SPRED1: variants seen among roughly 807,000 people sequenced by gnomAD.
The protein encoded by SPRED1 is sprouty-related, EVH1 domain-containing protein 1.
Under a neutral mutation model 52.3 loss-of-function variants are expected in SPRED1, and 18 were observed. That is an observed-to-expected ratio of 0.34 (90% CI 0.24 to 0.51). The LOEUF is 0.51. Among genes scored for constraint, SPRED1 ranks in the 20% least tolerant of loss-of-function variants. SPRED1 has a pLI of 0.97. For synonymous variants in SPRED1, 155 were observed against 179.7 expected (o/e 0.86, Z 1.10); for missense variants, 485 against 551.0 (o/e 0.88, Z 1.20).
At chr15:38,281,984 T>C (rs1894700830) in intron 1 of SPRED1, among the ~76,000 whole-genome samples, 1 of 152,050 alleles carries the variant, frequency 6.6e-6, no homozygotes, top group South Asian at 2.1e-4. Flanking sequence ...AGAAGGTATG[T>C]TTTTGTGGTT....
At chr15:38,306,466 T>A (rs1239141859) in intron 2 of SPRED1, among the ~76,000 whole-genome samples, 1 of 152,142 alleles carries the variant, frequency 6.6e-6, no homozygotes, top group African/African-American at 2.4e-5. Context: ...TGTGAAGAAT[T>A]GGAATTGAGA....
chr15:38,330,942 G>T (rs1015729038), intron 4 of SPRED1, among the ~76,000 whole-genome samples: 2 of 152,072 alleles, frequency 1.3e-5, no homozygotes, highest in African/African-American at 4.8e-5. Context: ...GGGGTGCAAA[G>T]GGAGGAGAGA....
intron 2 of SPRED1, among the ~76,000 whole-genome samples, chr15:38,309,489 C>T (rs1258887071): frequency 6.6e-6 from 1 of 152,184 alleles, no homozygotes; most frequent in Non-Finnish European, 1.5e-5. Context: ...ATTCTAGCTA[C>T]TAAGTCCTCT....
intron 2 of SPRED1, among the ~76,000 whole-genome samples, chr15:38,301,590 G>A (rs537762609): frequency 1.3e-5 from 2 of 152,244 alleles, no homozygotes; most frequent in East Asian, 1.9e-4. Flanking sequence ...AGGCAGAGGC[G>A]ATAACTCATG....
chr15:38,283,511 A>G (rs1310147795), intron 1 of SPRED1: 1 of 984,848 alleles, frequency 1.0e-6, no homozygotes, highest in Non-Finnish European at 1.2e-6. Flanking sequence ...CAGGGGCATG[A>G]TGATGGAATC....
intron 1 of SPRED1, among the ~76,000 whole-genome samples, chr15:38,270,930 T>C (rs1047394121): frequency 6.6e-6 from 1 of 152,246 alleles, no homozygotes; most frequent in Admixed American, 6.5e-5. Context: ...TTTGAGGTAG[T>C]GCTTTGTAAA....
chr15:38,283,999 A>C (rs2140966909), intron 1 of SPRED1, among the ~76,000 whole-genome samples: 1 of 152,318 alleles, frequency 6.6e-6, no homozygotes, highest in Admixed American at 6.5e-5. Context: ...TGTGATTATA[A>C]AAGAAGAAAA....
chr15:38,338,310 T>TTTC (rs1480315524), intron 4 of SPRED1, among the ~76,000 whole-genome samples: 32 of 150,444 alleles, frequency 2.1e-4, no homozygotes, highest in Middle Eastern at 3.4e-3. Flanking sequence ...TTTGTTTTTT[T>TTTC]TCTCCCAGTA....
At position 38,322,445 on chromosome 15, in the gene SPRED1, C is replaced by T. The variant is rs368706284; in HGVS notation, c.376+36C>T. 22 of 1,599,446 alleles carry T rather than the reference C, an allele frequency of 1.4e-5. No homozygotes were observed. The South Asian group carries it at 1.5e-4, about 11-fold the overall frequency. On this transcript the variant is annotated intron_variant, in intron 3 of 6. Coordinates refer to ENST00000299084, the MANE Select transcript of SPRED1 (RefSeq NM_152594.3). ...TTGACTATTTTCTTAATTTATTTAT[C>T]GGTTATATATAGTAGAGGTTATCTT...
chr15:38,289,797 A>G (rs1329641399), intron 1 of SPRED1, among the ~76,000 whole-genome samples: 1 of 152,214 alleles, frequency 6.6e-6, no homozygotes, highest in Non-Finnish European at 1.5e-5. Flanking sequence ...AGCTTCTTGA[A>G]AGGAACGCAG....
intron 1 of SPRED1, among the ~76,000 whole-genome samples, chr15:38,274,733 T>C (rs1218494586): frequency 1.3e-5 from 2 of 152,202 alleles, no homozygotes; most frequent in African/African-American, 2.4e-5. Context: ...CTCTTTAGTC[T>C]CCTTTAAGGT....
chr15:38,280,552 T>C (rs754790088), intron 1 of SPRED1, among the ~76,000 whole-genome samples: 3 of 152,180 alleles, frequency 2.0e-5, no homozygotes, highest in Non-Finnish European at 4.4e-5. Flanking sequence ...TAATTATAAT[T>C]GAGTTAGACC....
At chr15:38,348,478 A>AT (rs1566875842) in intron 5 of SPRED1, among the ~76,000 whole-genome samples, 4 of 151,840 alleles carry the variant, frequency 2.6e-5, no homozygotes, top group African/African-American at 7.2e-5. Flanking sequence ...GCACTAAAAA[A>AT]TTTTTTTTAT....
At chr15:38,321,664 A>G in intron 2 of SPRED1, among the ~76,000 whole-genome samples, 1 of 151,754 alleles carries the variant, frequency 6.6e-6, no homozygotes, top group East Asian at 1.9e-4. Context: ...CGTGATCTCA[A>G]CTCACTGCAA....
intron 1 of SPRED1, among the ~76,000 whole-genome samples, chr15:38,292,814 G>T (rs16966657): frequency 0.2 from 30,836 of 152,084 alleles, 3,676 homozygotes; most frequent in South Asian, 0.26. Context: ...TAAAAGTTCT[G>T]AGAGGGAGCT....
intron 2 of SPRED1, among the ~76,000 whole-genome samples, chr15:38,319,525 T>G (rs1895558740): frequency 6.6e-6 from 1 of 152,050 alleles, no homozygotes; most frequent in Non-Finnish European, 1.5e-5. Flanking sequence ...GATTACAGGT[T>G]CCCACCACCA....
chr15:38,284,794 A>G (rs575998653), intron 1 of SPRED1, among the ~76,000 whole-genome samples: 55 of 150,838 alleles, frequency 3.6e-4, no homozygotes, highest in African/African-American at 1.3e-3. Flanking sequence ...ATGCATTTGG[A>G]TGCTTTCTGG....
At chr15:38,270,784 T>C (rs1894416378) in intron 1 of SPRED1, among the ~76,000 whole-genome samples, 1 of 152,090 alleles carries the variant, frequency 6.6e-6, no homozygotes, top group Non-Finnish European at 1.5e-5. Flanking sequence ...TTAATACTTG[T>C]TGAATTTTAA....
rs1286718926 is a variant in SPRED1 at position 38,352,536 on chromosome 15, A to G, written c.*872A>G. On this transcript the variant is annotated 3_prime_UTR_variant, in exon 7 of 7. Coordinates refer to ENST00000299084, the MANE Select transcript of SPRED1 (RefSeq NM_152594.3). ...AAAAGAGACTGAGTAAACAAACATT[A>G]TAGAAAAAAAGTGAAGTTTTTTAGT... 6.6e-6 allele frequency: 1 copy of G among 152,336 alleles called. No individual in the cohort carries two copies. Among genetic ancestry groups the G allele is most frequent in the Admixed American group, 6.5e-5 (1 of 15,268 alleles). 9.4% of individuals were successfully genotyped at this position (152,336 alleles called of 1,614,324 possible).
Sources: allele counts gnomAD v4.1 joint callset (sites outside exome capture counted in the v4.1 genomes callset), GRCh38; gene constraint gnomAD v4.1.1; transcripts MANE v1.5; gene names NCBI Gene and HGNC (gene_info 2026-07-23, HGNC 2026-07-21).